MAGI2: variants seen among roughly 807,000 people sequenced by gnomAD.
MAGI2 encodes the protein membrane-associated guanylate kinase, WW and PDZ domain-containing protein 2.
Under a neutral mutation model 133.3 loss-of-function variants are expected in MAGI2, and 35 were observed. That is an observed-to-expected ratio of 0.26 (90% CI 0.20 to 0.35). The LOEUF (loss-of-function observed/expected upper bound fraction) is 0.35, where lower values mean the gene tolerates loss of function less well. MAGI2 is among the 10% of genes least tolerant of loss of function. MAGI2 has a pLI of 1.00. For missense variants in MAGI2, 1,636 were observed against 1,863.4 expected (o/e 0.88, Z 2.25); for synonymous variants, 729 against 710.6 (o/e 1.03, Z -0.41).
intron 1 of MAGI2, among the ~76,000 whole-genome samples, chr7:79,099,534 T>C (rs1428856423): frequency 6.6e-6 from 1 of 152,204 alleles, no homozygotes; most frequent in Non-Finnish European, 1.5e-5. Flanking sequence ...ATAGGTAAAT[T>C]GCTTGTCATA....
chr7:79,428,906 A>AG (rs1847582672), intron 1 of MAGI2, among the ~76,000 whole-genome samples: 2 of 152,004 alleles, frequency 1.3e-5, no homozygotes, highest in South Asian at 4.1e-4. Context: ...CCAATAGGTA[A>AG]TTTTTTTAGA....
intron 6 of MAGI2, among the ~76,000 whole-genome samples, chr7:78,435,976 G>C (rs1403964361): frequency 1.3e-5 from 2 of 152,180 alleles, no homozygotes; most frequent in African/African-American, 4.8e-5. Context: ...ATGGGAAACA[G>C]GGAAATGCCA....
intron 2 of MAGI2, among the ~76,000 whole-genome samples, chr7:78,922,780 A>C (rs2151638024): frequency 6.6e-6 from 1 of 151,530 alleles, no homozygotes; most frequent in Non-Finnish European, 1.5e-5. Context: ...TGACTTCCAC[A>C]ATGGTTGAAC....
chr7:78,253,702 C>T (rs1428944930), intron 10 of MAGI2: 1 of 152,176 alleles, frequency 6.6e-6, no homozygotes, highest in Non-Finnish European at 1.5e-5. Context: ...CAGACAATTA[C>T]TTTCATTTTA....
chr7:78,741,427 ACG>A (rs1491143236), intron 2 of MAGI2, among the ~76,000 whole-genome samples: 44 of 117,200 alleles, frequency 3.8e-4, no homozygotes, highest in African/African-American at 1.6e-3. Context: ...ACACACACAC[ACG>A]GGAGGGGGGT....
At chr7:78,662,472 C>G (rs1813074636) in intron 2 of MAGI2, among the ~76,000 whole-genome samples, 1 of 152,152 alleles carries the variant, frequency 6.6e-6, no homozygotes, top group Admixed American at 6.5e-5. Context: ...GCTGATACTA[C>G]TTTTCTAAAA....
chr7:79,296,138 A>G (rs959869485), intron 1 of MAGI2, among the ~76,000 whole-genome samples: 7 of 152,128 alleles, frequency 4.6e-5, no homozygotes, highest in Non-Finnish European at 7.3e-5. Context: ...GCATCTCTAA[A>G]AAGAGTGCTC....
chr7:79,328,163 T>C (rs1191207405), intron 1 of MAGI2, among the ~76,000 whole-genome samples: 1 of 152,188 alleles, frequency 6.6e-6, no homozygotes, highest in Non-Finnish European at 1.5e-5. Flanking sequence ...GATGGGTAAG[T>C]TATAGCTTCT....
chr7:78,622,388 AGG>A (rs1380365154), intron 3 of MAGI2, among the ~76,000 whole-genome samples: 1 of 152,050 alleles, frequency 6.6e-6, no homozygotes, highest in Non-Finnish European at 1.5e-5. Context: ...GCAGTAGGCG[AGG>A]AGGAGGAAAG....
At position 78,256,156 on chromosome 7, in the gene MAGI2, C is replaced by T. The variant is rs752722882; in HGVS notation, c.1834G>A (p.Ala612Thr). The change falls in exon 10 of 22, where the codon GCC (alanine) becomes ACC (threonine). Residue 612 changes from alanine to threonine, a missense_variant. By Grantham distance (58) the Ala-to-Thr change is moderately conservative (BLOSUM62 0). Transcript: ENST00000354212. ...GCAATAGTGAAGCCGAAGCCCTGGG[C>T]ACCTTTCACAATGGTTAAGGTCATA... is the stretch of plus-strand genomic sequence containing the variant. Reference protein sequence around the residue: ...ELMTLTIVKGAQGFGFTIADS... With the variant: ...ELMTLTIVKGTQGFGFTIADS... The T allele has an allele frequency of 1.5e-5, 24 of 1,613,796 alleles. No homozygotes were observed. The highest frequency in any genetic ancestry group is 1.9e-5 in the Non-Finnish European group (22 of 1,179,960).
chr7:78,478,067 T>A (rs774720205), intron 6 of MAGI2, among the ~76,000 whole-genome samples: 1 of 151,840 alleles, frequency 6.6e-6, no homozygotes, highest in East Asian at 1.9e-4. Context: ...ATGCTATCCC[T>A]CTCCTAGCTC....
chr7:78,465,608 T>C (rs1470970084), intron 6 of MAGI2, among the ~76,000 whole-genome samples: 1 of 152,140 alleles, frequency 6.6e-6, no homozygotes, highest in Non-Finnish European at 1.5e-5. Flanking sequence ...AAATCTGAGG[T>C]TTCTTCCAGA....
Position 78,127,363 on chromosome 7 carries a change from G to C in MAGI2, c.3257C>G (p.Pro1086Arg). 6.2e-7 allele frequency: 1 copy of C among 1,608,968 alleles called. No individual in the cohort carries two copies. The highest frequency in any genetic ancestry group is 1.7e-5 in the Admixed American group (1 of 59,994). The change falls in exon 19 of 22, where the codon CCT becomes CGT. Residue 1086 changes from proline to arginine, a missense_variant. Pro to Arg is a moderately radical substitution (Grantham distance 103). Coordinates refer to ENST00000354212, the MANE Select transcript of MAGI2 (RefSeq NM_012301.4). Reference protein sequence around the residue: ...RQDVKPDIRQPPFTDYRQPPL... With the variant: ...RQDVKPDIRQRPFTDYRQPPL... ...GGGCTGCCTGTAGTCTGTGAATGGA[G>C]GCTGTCGGATGTCTGGTTTCACATC... is the stretch of plus-strand genomic sequence containing the variant.
At chr7:79,275,986 A>G (rs997976673) in intron 1 of MAGI2, among the ~76,000 whole-genome samples, 3 of 152,182 alleles carry the variant, frequency 2.0e-5, no homozygotes, top group African/African-American at 7.2e-5. Context: ...AAAAGCTCTG[A>G]TGGAGATCTA....
At chr7:78,428,188 G>A (rs934640308) in intron 6 of MAGI2, among the ~76,000 whole-genome samples, 4 of 152,232 alleles carry the variant, frequency 2.6e-5, no homozygotes, top group Admixed American at 6.5e-5. Flanking sequence ...GAAAGCCAGT[G>A]AAGTTGATAT....
At chr7:79,246,371 G>A (rs1476306704) in intron 1 of MAGI2, among the ~76,000 whole-genome samples, 1 of 152,146 alleles carries the variant, frequency 6.6e-6, no homozygotes, top group Non-Finnish European at 1.5e-5. Flanking sequence ...TTTCAAAATA[G>A]CTGTTTTGAG....
chr7:78,469,315 T>A (rs1219591579), intron 6 of MAGI2, among the ~76,000 whole-genome samples: 1 of 152,188 alleles, frequency 6.6e-6, no homozygotes, highest in East Asian at 1.9e-4. Context: ...TATTTTTATT[T>A]ACTTATTCTG....
intron 10 of MAGI2, among the ~76,000 whole-genome samples, chr7:78,202,593 G>A (rs113763245): frequency 0.42 from 61,664 of 147,378 alleles, 12,950 homozygotes; most frequent in South Asian, 0.6. Context: ...TGAGGCAGGA[G>A]AATCGCTGGA....
At chr7:78,236,026 TG>T (rs1288438310) in intron 10 of MAGI2, among the ~76,000 whole-genome samples, 62 of 135,424 alleles carry the variant, frequency 4.6e-4, no homozygotes, top group East Asian at 1.7e-3. Context: ...TAAGACTGTA[TG>T]TTTTTTTTTT....
Sources: allele counts gnomAD v4.1 joint callset (sites outside exome capture counted in the v4.1 genomes callset), GRCh38; gene constraint gnomAD v4.1.1; transcripts MANE v1.5; gene names NCBI Gene and HGNC (gene_info 2026-07-23, HGNC 2026-07-21).